SARAF: variants seen among roughly 807,000 people sequenced by gnomAD.
SARAF encodes the protein store-operated calcium entry-associated regulatory factor.
SARAF carries 23 observed loss-of-function variants against 39.7 expected under a neutral mutation model. That is an observed-to-expected ratio of 0.58 (90% CI 0.42 to 0.82). The LOEUF (loss-of-function observed/expected upper bound fraction) is 0.82, where lower values mean the gene tolerates loss of function less well. SARAF is among the 40% of genes least tolerant of loss of function. SARAF has a pLI of 0.00. For synonymous variants in SARAF, 175 were observed against 168.5 expected (o/e 1.04, Z -0.30); for missense variants, 384 against 418.5 (o/e 0.92, Z 0.72).
intron 1 of SARAF, among the ~76,000 whole-genome samples, chr8:30,076,305 C>T (rs1226846739): frequency 1.3e-5 from 2 of 152,222 alleles, no homozygotes; most frequent in Non-Finnish European, 2.9e-5. Flanking sequence ...TCCTTCCCCA[C>T]ATGGTGCACA....
chr8:30,068,194 C>T (rs1002676093), intron 3 of SARAF, among the ~76,000 whole-genome samples: 2 of 152,248 alleles, frequency 1.3e-5, no homozygotes, highest in South Asian at 2.1e-4. Context: ...AGCAAGCAAG[C>T]GACTGAAGCT....
rs1342905921 is a variant in SARAF at position 30,069,818 on chromosome 8, C to A, written c.524G>T (p.Gly175Val). The A allele has an allele frequency of 1.2e-6, 2 of 1,614,110 alleles. No individual in the cohort carries two copies. Among genetic ancestry groups the A allele is most frequent in the South Asian group, 2.2e-5 (2 of 91,070 alleles). Residue 175 changes from glycine (G) to valine (V), a missense_variant, in exon 3 of 6, where the codon GGA becomes GTA. Gly to Val is a moderately radical substitution (Grantham distance 109). Coordinates refer to ENST00000256255, the MANE Select transcript of SARAF (RefSeq NM_016127.6). ...WSSADSCNMS[G>V]LITIVVLLGI... ...AAGGAGTACCACAATGGTAATCAAT[C>A]CACTCATGTTACAGGAATCCGCCGA...
intron 2 of SARAF, among the ~76,000 whole-genome samples, chr8:30,071,608 T>C (rs576474669): frequency 1.7e-4 from 26 of 152,324 alleles, no homozygotes; most frequent in African/African-American, 6.0e-4. Flanking sequence ...TTGTGCCCAT[T>C]AGCAGTCACT....
chr8:30,068,744 G>A (rs1309861400), intron 3 of SARAF, among the ~76,000 whole-genome samples: 1 of 151,972 alleles, frequency 6.6e-6, no homozygotes, highest in Non-Finnish European at 1.5e-5. Flanking sequence ...TTCATTTTAT[G>A]TTCTACCGGA....
intron 4 of SARAF, 84 bp downstream of exon 4, chr8:30,066,693 T>C: frequency 6.5e-7 from 1 of 1,528,978 alleles, no homozygotes; most frequent in South Asian, 1.2e-5. Context: ...TTTATTTTCC[T>C]TAGCAAAACT....
chr8:30,070,362 C>T (rs980504858), intron 2 of SARAF, among the ~76,000 whole-genome samples: 8 of 151,846 alleles, frequency 5.3e-5, no homozygotes, highest in Non-Finnish European at 1.0e-4. Context: ...GAGCTGAGAT[C>T]GTGATTGCAC....
chr8:30,066,111 A>C lies in SARAF; in HGVS notation c.871T>G (p.Tyr291Asp). 2 of 1,614,068 alleles carry C rather than the reference A, an allele frequency of 1.2e-6. No individual in the cohort carries two copies. The highest frequency in any genetic ancestry group is 1.7e-6 in the Non-Finnish European group (2 of 1,179,910). Residue 291 changes from tyrosine (Y) to aspartate (D), a missense_variant, in exon 5 of 6, where the codon TAC (tyrosine) becomes GAC (aspartate). Physicochemically the swap from Tyr to Asp is radical, Grantham distance 160. Coordinates refer to ENST00000256255, the MANE Select transcript of SARAF (RefSeq NM_016127.6). ...TAGGAGGGAGGATAGGACGGGTAGT[A>C]CCACGAGTCTGAGAAGGGTGTTGCC... ...RAATPFSDSWYYPSYPPSYPG... is the reference protein window; with the variant it reads ...RAATPFSDSWDYPSYPPSYPG...
intron 2 of SARAF, 153 bp downstream of exon 2, chr8:30,073,724 T>A (rs1801895658): frequency 3.4e-6 from 2 of 590,664 alleles, no homozygotes; most frequent in Non-Finnish European, 5.7e-6. Flanking sequence ...TGGAGGCCAT[T>A]TCTTCCACAG....
intron 1 of SARAF, among the ~76,000 whole-genome samples, chr8:30,074,925 A>G (rs1188617474): frequency 6.6e-6 from 1 of 152,224 alleles, no homozygotes; most frequent in African/African-American, 2.4e-5. Context: ...TTCACAAACT[A>G]AAAAATTTAA....
intron 2 of SARAF, among the ~76,000 whole-genome samples, chr8:30,071,469 AAT>A: frequency 6.6e-6 from 1 of 152,244 alleles, no homozygotes; most frequent in East Asian, 1.9e-4. Flanking sequence ...CTTCATTTAT[AAT>A]AGCCTTATTG....
chr8:30,079,080 C>A (rs1802039923), intron 1 of SARAF, among the ~76,000 whole-genome samples: 1 of 150,376 alleles, frequency 6.6e-6, no homozygotes, highest in Admixed American at 6.6e-5. Context: ...TCACTTGAAT[C>A]CAGGAGGTGG....
chr8:30,072,808 A>G (rs1339470866), intron 2 of SARAF, among the ~76,000 whole-genome samples: 2 of 152,214 alleles, frequency 1.3e-5, no homozygotes, highest in Non-Finnish European at 2.9e-5. Flanking sequence ...TCATCCTTTA[A>G]GTCCCAATGG....
At chr8:30,073,227 G>A (rs1364693854) in intron 2 of SARAF, among the ~76,000 whole-genome samples, 4 of 152,196 alleles carry the variant, frequency 2.6e-5, no homozygotes, top group Non-Finnish European at 4.4e-5. Flanking sequence ...GTGACCAGTC[G>A]TCTTAAATCA....
intron 1 of SARAF, among the ~76,000 whole-genome samples, chr8:30,080,315 C>T (rs1185307774): frequency 6.6e-6 from 1 of 152,192 alleles, no homozygotes; most frequent in Non-Finnish European, 1.5e-5. Context: ...CTGTTTTCCA[C>T]AGAGCAGCCC....
rs1585435648 is a variant in SARAF, at chr8:30,069,029, A to G, written c.700+613T>C. Among the ~76,000 whole-genome samples the G allele has an allele frequency of 2.6e-5, 4 of 152,236 alleles. No individual in the cohort carries two copies. In the South Asian group the frequency reaches 8.3e-4, roughly 32 times the overall value. On this transcript the variant is annotated intron_variant, in intron 3 of 5. Coordinates refer to ENST00000256255, the MANE Select transcript of SARAF (RefSeq NM_016127.6). ...TTTACGTTGAGATTTATAATACTTA[A>G]AGAATTAATTTTTATGTATAGTGTG... is the stretch of plus-strand genomic sequence containing the variant.
intron 1 of SARAF, among the ~76,000 whole-genome samples, chr8:30,077,787 C>A (rs1451399001): frequency 7.0e-6 from 1 of 143,856 alleles, no homozygotes; most frequent in East Asian, 2.1e-4. Flanking sequence ...GGCGATAGAG[C>A]AAGGCTCCAT....
chr8:30,064,340 G>A (rs1002185559), intron 5 of SARAF, among the ~76,000 whole-genome samples: 10 of 151,204 alleles, frequency 6.6e-5, no homozygotes, highest in South Asian at 2.1e-4. Context: ...GACACTGTGC[G>A]CACACACACA....
intron 1 of SARAF, among the ~76,000 whole-genome samples, chr8:30,080,695 T>C (rs1420555945): frequency 6.6e-6 from 1 of 152,244 alleles, no homozygotes; most frequent in African/African-American, 2.4e-5. Context: ...CTCTTTAGAA[T>C]GGTGCTAATT....
At chr8:30,068,669 T>C (rs1019233318) in intron 3 of SARAF, among the ~76,000 whole-genome samples, 1 of 151,770 alleles carries the variant, frequency 6.6e-6, no homozygotes, top group Admixed American at 6.6e-5. Flanking sequence ...TCTTCTCTTA[T>C]TATAAAATGG....
Sources: allele counts gnomAD v4.1 joint callset (sites outside exome capture counted in the v4.1 genomes callset), GRCh38; gene constraint gnomAD v4.1.1; transcripts MANE v1.5; gene names NCBI Gene and HGNC (gene_info 2026-07-23, HGNC 2026-07-21).